The following DAB1 variants were observed in gnomAD, a reference collection of about 807,000 sequenced individuals.
The protein encoded by DAB1 is disabled homolog 1.
Under a neutral mutation model 64.6 loss-of-function variants are expected in DAB1, and 15 were observed. The observed-to-expected ratio is 0.23, with a 90% CI of 0.16 to 0.36. DAB1 has a LOEUF of 0.36. Among genes scored for constraint, DAB1 ranks in the 10% least tolerant of loss-of-function variants. The pLI, the probability that DAB1 is intolerant of heterozygous loss-of-function variation, is 1.00. For synonymous variants in DAB1, 235 were observed against 251.9 expected (o/e 0.93, Z 0.64); for missense variants, 596 against 706.7 (o/e 0.84, Z 1.78).
chr1:57,802,507 A>G (rs145034829), intron 6 of DAB1, among the ~76,000 whole-genome samples: 283 of 152,270 alleles, frequency 1.9e-3, no homozygotes, highest in African/African-American at 6.1e-3. Context: ...CTCTGGAACG[A>G]ATATTGTCTG....
At chr1:57,679,014 G>T (rs557237834) in intron 6 of DAB1, among the ~76,000 whole-genome samples, 2 of 151,780 alleles carry the variant, frequency 1.3e-5, no homozygotes, top group Non-Finnish European at 2.9e-5. Context: ...CTCGTGATCC[G>T]CCTGCCTCGG....
chr1:57,975,357 G>A (rs1055764237), intron 5 of DAB1, among the ~76,000 whole-genome samples: 3 of 152,184 alleles, frequency 2.0e-5, no homozygotes, highest in African/African-American at 7.2e-5. Context: ...CCAAGGTGTT[G>A]AGTGTTTAAA....
rs1168866057 is a variant in DAB1 at position 58,041,710 on chromosome 1, TG to T, written n.387+108800del. Among the ~76,000 whole-genome samples the T allele has an allele frequency of 3.9e-5, 6 of 152,336 alleles. No individual in the cohort carries two copies. The East Asian group carries it at 1.2e-3, about 29-fold the overall frequency. Reference sequence around the variant, plus strand: ...GGCCTCCTTGACAATGCCTTGGGCTTGGCAGCTCAAATTCCTCTAGCAAGCT... The same window carrying T: ...GGCCTCCTTGACAATGCCTTGGGCTTGCAGCTCAAATTCCTCTAGCAAGCT... On this transcript the variant is annotated intron_variant and non_coding_transcript_variant, in intron 5 of 20. Coordinates refer to the DAB1 transcript ENST00000485760.
intron 11 of DAB1, among the ~76,000 whole-genome samples, chr1:57,018,942 C>T (rs1018740514): frequency 2.4e-4 from 36 of 152,144 alleles, no homozygotes; most frequent in African/African-American, 8.4e-4. Context: ...AAGCCATCCC[C>T]CTGCTTCTGT....
At chr1:57,686,705 A>G (rs1646701521) in intron 6 of DAB1, among the ~76,000 whole-genome samples, 1 of 152,220 alleles carries the variant, frequency 6.6e-6, no homozygotes, top group Non-Finnish European at 1.5e-5. Flanking sequence ...TTAATACACC[A>G]TGATCAAGTA....
intron 2 of DAB1, among the ~76,000 whole-genome samples, chr1:57,217,830 A>G (rs149054907): frequency 1.3e-5 from 2 of 151,918 alleles, no homozygotes; most frequent in African/African-American, 4.8e-5. Context: ...ACACCTACCA[A>G]TCCCCCCACC....
chr1:58,417,044 A>G (rs1461236604), intron 3 of DAB1, among the ~76,000 whole-genome samples: 1 of 152,202 alleles, frequency 6.6e-6, no homozygotes, highest in Non-Finnish European at 1.5e-5. Flanking sequence ...CACTTTTTTA[A>G]TGTGGCTACT....
chr1:57,066,795 G>A (rs1175581138), intron 8 of DAB1, among the ~76,000 whole-genome samples: 1 of 152,166 alleles, frequency 6.6e-6, no homozygotes, highest in Non-Finnish European at 1.5e-5. Context: ...GCTAGGAGCA[G>A]AGAATATATT....
rs940634100 is a variant in DAB1, at chr1:58,358,877, TC to T, written n.258-15475del. ...TCTCCCAGCTCTTTCTGTCTCTCTC[TC>T]CCCCCGTCCACCTTCTGCCTCTCTC... is the stretch of plus-strand genomic sequence containing the variant. On this transcript the variant is annotated intron_variant and non_coding_transcript_variant, in intron 3 of 20. Transcript: ENST00000485760. Among the ~76,000 whole-genome samples the T allele has an allele frequency of 8.7e-5, 11 of 126,782 alleles. 1 individual carries two copies. In the East Asian group the frequency reaches 1.7e-3, roughly 19 times the overall value. The allele number at this position is 126,782 out of a possible 152,430, so 83.2% of individuals were successfully genotyped here. A position where few individuals can be genotyped will look rare whatever the true frequency, so the allele number is the denominator to read the frequency against.
At chr1:57,020,198 CTT>C (rs1044687961) in intron 11 of DAB1, among the ~76,000 whole-genome samples, 1 of 152,124 alleles carries the variant, frequency 6.6e-6, no homozygotes, top group Non-Finnish European at 1.5e-5. Context: ...ATTGCTATCT[CTT>C]TAATTTGTAT....
At chr1:58,053,058 A>G (rs2100532439) in intron 5 of DAB1, among the ~76,000 whole-genome samples, 1 of 152,336 alleles carries the variant, frequency 6.6e-6, no homozygotes, top group South Asian at 2.1e-4. Flanking sequence ...GTTCATGGGA[A>G]CTAATAGAGT....
chr1:58,142,621 GGGAAGAAAA>G (rs1343249714), intron 5 of DAB1, among the ~76,000 whole-genome samples: 4 of 152,354 alleles, frequency 2.6e-5, no homozygotes, highest in Admixed American at 1.3e-4. Flanking sequence ...CCCTGGGCCA[GGGAAGAAAA>G]GGAAGAGAAG....
chr1:57,472,996 G>T (rs2101212479), intron 7 of DAB1, among the ~76,000 whole-genome samples: 1 of 152,280 alleles, frequency 6.6e-6, no homozygotes, highest in East Asian at 1.9e-4. Flanking sequence ...GGAAGGGTTT[G>T]CTTTATTTCT....
At chr1:58,386,109 C>T (rs1644430209) in intron 3 of DAB1, among the ~76,000 whole-genome samples, 1 of 152,130 alleles carries the variant, frequency 6.6e-6, no homozygotes, top group African/African-American at 2.4e-5. Context: ...AGTTCTTTCT[C>T]AGGTGCAGTA....
intron 6 of DAB1, among the ~76,000 whole-genome samples, chr1:57,792,828 T>C (rs1229994578): frequency 1.3e-5 from 2 of 152,226 alleles, no homozygotes; most frequent in African/African-American, 2.4e-5. Context: ...TCAATACATA[T>C]TTTTAAGCAT....
At chr1:57,744,543 T>C (rs1464187748) in intron 6 of DAB1, among the ~76,000 whole-genome samples, 1 of 152,122 alleles carries the variant, frequency 6.6e-6, no homozygotes, top group East Asian at 1.9e-4. Context: ...TTCTAAGTAC[T>C]TGTAATTTAA....
chr1:57,410,665 T>C (rs905669504), intron 1 of DAB1, among the ~76,000 whole-genome samples: 5 of 152,198 alleles, frequency 3.3e-5, no homozygotes, highest in African/African-American at 1.2e-4. Flanking sequence ...AATCAAGACG[T>C]CCTTCTCCAC....
At chr1:58,487,789 C>G (rs1274783903) in intron 3 of DAB1, among the ~76,000 whole-genome samples, 1 of 152,104 alleles carries the variant, frequency 6.6e-6, no homozygotes, top group South Asian at 2.1e-4. Context: ...TTCCCCTCCC[C>G]CCTCAACACA....
At chr1:57,480,417 A>AT (rs1384595455) in intron 7 of DAB1, among the ~76,000 whole-genome samples, 1 of 151,894 alleles carries the variant, frequency 6.6e-6, no homozygotes, top group Non-Finnish European at 1.5e-5. Flanking sequence ...TAGTATTATT[A>AT]TTTTTTCAAT....
Sources: allele counts gnomAD v4.1 joint callset (sites outside exome capture counted in the v4.1 genomes callset), GRCh38; gene constraint gnomAD v4.1.1; transcripts MANE v1.5; gene names NCBI Gene and HGNC (gene_info 2026-07-23, HGNC 2026-07-21).